Variants in ZNF346 observed in about 807,000 individuals in gnomAD.
ZNF346 encodes the protein double-stranded RNA-binding zinc finger protein JAZ.
ZNF346 carries 23 observed loss-of-function variants against 33.7 expected under a neutral mutation model. That is an observed-to-expected ratio of 0.68 (90% CI 0.49 to 0.97). The LOEUF (loss-of-function observed/expected upper bound fraction) is 0.97. Among genes scored for constraint, ZNF346 ranks in the 50% least tolerant of loss-of-function variants. The pLI is 0.00. For synonymous variants in ZNF346, 134 were observed against 142.4 expected (o/e 0.94, Z 0.42); for missense variants, 340 against 371.1 (o/e 0.92, Z 0.69).
chr5:177,040,255 G>A (rs1202099786), intron 1 of ZNF346, among the ~76,000 whole-genome samples: 3 of 151,944 alleles, frequency 2.0e-5, no homozygotes, highest in African/African-American at 7.3e-5. Context: ...TCTCAAAAAG[G>A]TAAGACTGTT....
rs1368049228 is a variant in ZNF346, at chr5:177,062,072, C to T, written c.718C>T (p.Pro240Ser). The change falls in exon 6 of 7, where the codon CCC becomes TCC. Residue 240 changes from proline (P) to serine (S), a missense_variant. Pro to Ser is a moderately conservative substitution (Grantham distance 74). Transcript: ENST00000358149. ...ATGTGTTTCAGCTGGAAAGGGCTACCCCTGCAAAACATGTAAGATAGTGCT... is the reference window on the plus strand; with the variant it reads ...ATGTGTTTCAGCTGGAAAGGGCTACTCCTGCAAAACATGTAAGATAGTGCT... ...VTDFPAGKGY[P>S]CKTCKIVLNS... is the part of the protein sequence containing the mutation. 14 of 1,613,684 alleles carry T rather than the reference C, an allele frequency of 8.7e-6. No homozygotes were observed. Among genetic ancestry groups the T allele is most frequent in the Non-Finnish European group, 1.2e-5 (14 of 1,179,838 alleles).
At chr5:177,041,898 T>C (rs1779390806) in intron 3 of ZNF346, 28 bp downstream of exon 3, 1 of 1,508,588 alleles carries the variant, frequency 6.6e-7, no homozygotes, top group Non-Finnish European at 9.2e-7. Flanking sequence ...TTGAGCCCAC[T>C]TGCTTCATGA....
intron 5 of ZNF346, among the ~76,000 whole-genome samples, chr5:177,054,190 A>T (rs966758802): frequency 6.7e-6 from 1 of 149,876 alleles, no homozygotes; most frequent in Non-Finnish European, 1.5e-5. Context: ...CTCCCACCTC[A>T]GCCTCCCAAA....
intron 5 of ZNF346, among the ~76,000 whole-genome samples, chr5:177,054,127 G>A (rs890975375): frequency 6.6e-6 from 1 of 150,442 alleles, no homozygotes; most frequent in Non-Finnish European, 1.5e-5. Context: ...AGGCTGGAGT[G>A]CAGTGCACAA....
Position 177,054,906 on chromosome 5 carries a change from A to G in ZNF346, c.703+3970A>G, listed in dbSNP as rs757823613. On this transcript the variant is annotated intron_variant, in intron 5 of 6. Transcript: ENST00000358149. ...TTTCTGGGTAAAAACTGATTCTATA[A>G]ATTAAGAAATAGTAGGTTCTTTATG... Among the ~76,000 whole-genome samples the G allele has an allele frequency of 3.7e-4, 57 of 152,240 alleles. 1 individual carries two copies. Among genetic ancestry groups the G allele is most frequent in the Middle Eastern group, 6.8e-3 (2 of 294 alleles).
rs556859792 is a variant in ZNF346 at position 177,033,939 on chromosome 5, C to T, written c.176-7187C>T. Among the ~76,000 whole-genome samples, 3 of 152,344 alleles carry T rather than the reference C, an allele frequency of 2.0e-5. No homozygotes were observed. In the East Asian group the frequency reaches 5.8e-4, roughly 29 times the overall value. On this transcript the variant is annotated intron_variant, in intron 1 of 6. Transcript: ENST00000358149. ...CTCCCTCACCAAGGCTGGAGCATAG[C>T]AGTGCAATCCTGGCTCATTGTAGCC...
chr5:177,074,052 G>T (rs1783633173), intron 8 of ZNF346, among the ~76,000 whole-genome samples: 2 of 152,110 alleles, frequency 1.3e-5, no homozygotes, highest in African/African-American at 4.8e-5. Context: ...TGTGAGGGAG[G>T]ACATCCCAGA....
rs763866991 is a variant in ZNF346, at chr5:177,022,733, G to A, written c.-6G>A. On this transcript the variant is annotated 5_prime_UTR_variant, in exon 1 of 7. Coordinates refer to ENST00000358149, the MANE Select transcript of ZNF346 (RefSeq NM_012279.4). ...GGCTCTCTACCGGTGAGGGTTTGCGGGGAAGATGGAGTATCCCGCGCCGGC... is the reference window on the plus strand; with the variant it reads ...GGCTCTCTACCGGTGAGGGTTTGCGAGGAAGATGGAGTATCCCGCGCCGGC... 1.9e-6 allele frequency: 3 copies of A among 1,548,784 alleles called. No homozygotes were observed. The highest frequency in any genetic ancestry group is 2.8e-5 in the African/African-American group (2 of 71,508).
In ZNF346 at chr5:177,048,787, CT is replaced by C. The variant is rs58509601; in HGVS notation, c.518-1949del. 5.4e-3 allele frequency among the ~76,000 whole-genome samples: 720 copies of C among 132,126 alleles called. 3 individuals are homozygous for C. Among genetic ancestry groups the C allele is most frequent in the African/African-American group, 0.015 (526 of 35,458 alleles). 86.7% of individuals were successfully genotyped at this position (132,126 alleles called of 152,430 possible). ...GTAACTTGTTTTTTTCTTTTTTTTTCTTTTTTTTTTTTTTTGAGACAGAATT... is the reference window on the plus strand; with the variant it reads ...GTAACTTGTTTTTTTCTTTTTTTTTCTTTTTTTTTTTTTTGAGACAGAATT... On this transcript the variant is annotated intron_variant, in intron 4 of 6. Transcript: ENST00000358149.
chr5:177,078,998 C>T (rs973247075), intron 8 of ZNF346, among the ~76,000 whole-genome samples: 14 of 149,392 alleles, frequency 9.4e-5, no homozygotes, highest in Non-Finnish European at 2.1e-4. Flanking sequence ...GGGCCAGGCA[C>T]GGTGGCTCAC....
At chr5:177,063,939 T>C (rs1562035812) in intron 6 of ZNF346, among the ~76,000 whole-genome samples, 1 of 152,162 alleles carries the variant, frequency 6.6e-6, no homozygotes, top group Admixed American at 6.5e-5. Flanking sequence ...AATAAAGCTA[T>C]AATTTGTTGA....
chr5:177,064,466 A>G, intron 6 of ZNF346, 46 bp from the exon 7 acceptor site: 2 of 1,488,148 alleles, frequency 1.3e-6, no homozygotes, highest in Non-Finnish European at 1.9e-6. Context: ...AGGCCAATAC[A>G]GCTGCCACAC....
At chr5:177,044,232 TG>T in intron 3 of ZNF346, 156 bp from the exon 4 acceptor site, 1 of 782,482 alleles carries the variant, frequency 1.3e-6, no homozygotes, top group Non-Finnish European at 2.1e-6. Context: ...GAGTAGAGTC[TG>T]GGACAAAGTA....
intron 1 of ZNF346, 23 bp downstream of exon 1, chr5:177,022,936 A>G (rs1016388469): frequency 1.4e-6 from 2 of 1,452,352 alleles, no homozygotes; most frequent in African/African-American, 1.4e-5. Context: ...CTTTGGAGGC[A>G]GAAAGCCCCT....
chr5:177,075,938 C>T (rs532871225), intron 8 of ZNF346, among the ~76,000 whole-genome samples: 1 of 152,336 alleles, frequency 6.6e-6, no homozygotes, highest in South Asian at 2.1e-4. Flanking sequence ...TGACCTGCCT[C>T]AGCCTCCCAA....
intron 1 of ZNF346, among the ~76,000 whole-genome samples, chr5:177,035,842 T>C (rs894580160): frequency 6.6e-6 from 1 of 152,100 alleles, no homozygotes; most frequent in African/African-American, 2.4e-5. Flanking sequence ...GGTTTCACTA[T>C]GTTGGCCAGG....
intron 1 of ZNF346, among the ~76,000 whole-genome samples, chr5:177,029,288 G>T (rs1268836112): frequency 6.6e-6 from 1 of 152,136 alleles, no homozygotes; most frequent in Admixed American, 6.6e-5. Context: ...TTCCAGGAAG[G>T]TGAACAAGAA....
chr5:177,031,217 A>G (rs1027680207), intron 1 of ZNF346, among the ~76,000 whole-genome samples: 1 of 152,048 alleles, frequency 6.6e-6, no homozygotes, highest in African/African-American at 2.4e-5. Context: ...TATTTTTAGT[A>G]GAGACAGGGT....
chr5:177,069,638 C>T (rs1339444041), downstream of ZNF346, among the ~76,000 whole-genome samples: 1 of 152,158 alleles, frequency 6.6e-6, no homozygotes, highest in Admixed American at 6.5e-5. Context: ...TCAAGTGATC[C>T]TCCCACCTCA....
Sources: allele counts gnomAD v4.1 joint callset (sites outside exome capture counted in the v4.1 genomes callset), GRCh38; gene constraint gnomAD v4.1.1; transcripts MANE v1.5; gene names NCBI Gene and HGNC (gene_info 2026-07-23, HGNC 2026-07-21).